Variants in PTPRO observed in about 807,000 individuals in gnomAD.
PTPRO encodes receptor-type tyrosine-protein phosphatase O.
In PTPRO, 62 loss-of-function variants were observed where a neutral mutation model predicts 145.2. That is an observed-to-expected ratio of 0.43 (90% CI 0.35 to 0.53). The LOEUF (loss-of-function observed/expected upper bound fraction) is 0.53. Ranked by LOEUF, PTPRO falls within the 20% of genes least tolerant of loss-of-function variation. The pLI is 0.01. For synonymous variants in PTPRO, 565 were observed against 514.7 expected, an observed-to-expected ratio of 1.10 and a Z score of -1.32; for missense variants, 1,345 against 1,482.7, an observed-to-expected ratio of 0.91 and a Z score of 1.53.
At chr12:15,374,396 GA>G (rs1354013746) in intron 1 of PTPRO, among the ~76,000 whole-genome samples, 4 of 146,420 alleles carry the variant, frequency 2.7e-5, no homozygotes, top group Non-Finnish European at 5.9e-5. Context: ...ACAATTTGAG[GA>G]GTGTTTTATT....
intron 1 of PTPRO, among the ~76,000 whole-genome samples, chr12:15,418,168 G>T (rs1940034994): frequency 6.6e-6 from 1 of 151,758 alleles, no homozygotes; most frequent in African/African-American, 2.4e-5. Flanking sequence ...TTACCTCCTT[G>T]TGGACAAGAA....
chr12:15,558,516 T>C (rs1324949920), intron 16 of PTPRO, among the ~76,000 whole-genome samples: 1 of 152,228 alleles, frequency 6.6e-6, no homozygotes, highest in Non-Finnish European at 1.5e-5. Context: ...TCCTATCCAG[T>C]TCAATCAATG....
chr12:15,351,102 A>G (rs1937789385), intron 1 of PTPRO, among the ~76,000 whole-genome samples: 1 of 152,172 alleles, frequency 6.6e-6, no homozygotes, highest in Admixed American at 6.5e-5. Flanking sequence ...AGACCATACA[A>G]GTTTTTGGAT....
chr12:15,549,160 T>G lies in PTPRO; in HGVS notation c.2371T>G (p.Cys791Gly), dbSNP rs1450331875. The change falls in exon 14 of 27, where the codon TGT (cysteine) becomes GGT (glycine). Residue 791 changes from cysteine (C) to glycine (G), a missense_variant. This residue lies in a region of PTPRO where 1,130 missense variants were observed against 1,214.7 expected (regional missense o/e 0.93). Transcript: ENST00000281171. ...CCTTCTTCCTGCCACTGCCTACAAT[T>G]GTAGTGTCACCAGCTTTAGCCATGA... ...SSLLPATAYN[C>G]SVTSFSHDSP... The G allele has an allele frequency of 6.2e-7, 1 of 1,613,410 alleles. No homozygotes were observed. The highest frequency in any genetic ancestry group is 8.5e-7 in the Non-Finnish European group (1 of 1,179,604).
rs568144362 is a variant in PTPRO at position 15,442,962 on chromosome 12, GA to G, written c.76-41004del. On this transcript the variant is annotated intron_variant, in intron 1 of 26. Transcript: ENST00000281171. ...ACCAACATCATTTTTCACAGAGCTAGAAAAAAAACTATTCTAAAATTTATAC... is the reference window on the plus strand; with the variant it reads ...ACCAACATCATTTTTCACAGAGCTAGAAAAAAACTATTCTAAAATTTATAC... 1.7e-3 allele frequency among the ~76,000 whole-genome samples: 261 copies of G among 151,680 alleles called. 1 individual carries two copies. The highest frequency in any genetic ancestry group is 6.0e-3 in the African/African-American group (249 of 41,354).
chr12:15,491,534 A>C (rs1444545654), intron 2 of PTPRO, among the ~76,000 whole-genome samples: 1 of 152,204 alleles, frequency 6.6e-6, no homozygotes, highest in Non-Finnish European at 1.5e-5. Context: ...AATATTGTTC[A>C]ATTTGAACAT....
intron 1 of PTPRO, among the ~76,000 whole-genome samples, chr12:15,426,559 A>G (rs1410574796): frequency 6.6e-6 from 1 of 152,010 alleles, no homozygotes; most frequent in African/African-American, 2.4e-5. Flanking sequence ...TAGTTATTCC[A>G]TTCTCACATT....
intron 1 of PTPRO, among the ~76,000 whole-genome samples, chr12:15,423,714 T>G (rs768341307): frequency 2.6e-5 from 4 of 152,316 alleles, no homozygotes; most frequent in Non-Finnish European, 5.9e-5. Context: ...GTTTTAGACT[T>G]CCTTCTTTTC....
At chr12:15,332,227 A>C (rs1866634540) in intron 1 of PTPRO, among the ~76,000 whole-genome samples, 1 of 152,042 alleles carries the variant, frequency 6.6e-6, no homozygotes, top group Non-Finnish European at 1.5e-5. Flanking sequence ...TGCTCTAAGA[A>C]ACAATATTTA....
At chr12:15,494,120 T>A (rs1323870401) in intron 2 of PTPRO, among the ~76,000 whole-genome samples, 1 of 152,172 alleles carries the variant, frequency 6.6e-6, no homozygotes, top group Non-Finnish European at 1.5e-5. Flanking sequence ...AGAGTAATAA[T>A]TTACTTCTGG....
chr12:15,495,410 A>G (rs1942079607), intron 2 of PTPRO, among the ~76,000 whole-genome samples: 1 of 150,092 alleles, frequency 6.7e-6, no homozygotes, highest in Non-Finnish European at 1.5e-5. Context: ...ATAGTTATTT[A>G]TTGAATGAAC....
At chr12:15,336,488 C>T (rs137968628) in intron 1 of PTPRO, among the ~76,000 whole-genome samples, 161 of 152,238 alleles carry the variant, frequency 1.1e-3, no homozygotes, top group African/African-American at 3.1e-3. Context: ...TATGTATGTG[C>T]CCACCATTAG....
At chr12:15,593,329 T>C (rs1944592089) in intron 25 of PTPRO, among the ~76,000 whole-genome samples, 1 of 152,218 alleles carries the variant, frequency 6.6e-6, no homozygotes, top group Non-Finnish European at 1.5e-5. Flanking sequence ...TTTGACCGGA[T>C]CTCATTTAAA....
chr12:15,444,767 C>T (rs1193390087), intron 1 of PTPRO, among the ~76,000 whole-genome samples: 1 of 152,042 alleles, frequency 6.6e-6, no homozygotes, highest in African/African-American at 2.4e-5. Context: ...TCTAATAGTG[C>T]CTTGATCTTT....
intron 1 of PTPRO, among the ~76,000 whole-genome samples, chr12:15,365,395 G>A (rs182102986): frequency 3.1e-4 from 47 of 151,876 alleles, no homozygotes; most frequent in African/African-American, 1.1e-3. Flanking sequence ...GTCCTTTGGG[G>A]GAATGGCTAT....
At chr12:15,485,998 T>C (rs1941878411) in intron 2 of PTPRO, among the ~76,000 whole-genome samples, 1 of 152,154 alleles carries the variant, frequency 6.6e-6, no homozygotes, top group South Asian at 2.1e-4. Flanking sequence ...ATATGGTCTT[T>C]CTTGCTGTGT....
At chr12:15,455,332 GA>G (rs1418975302) in intron 1 of PTPRO, among the ~76,000 whole-genome samples, 1 of 150,456 alleles carries the variant, frequency 6.6e-6, no homozygotes, top group East Asian at 2.0e-4. Context: ...CACAATACCT[GA>G]AATCTCTGCC....
chr12:15,475,355 C>T (rs1225623245), intron 1 of PTPRO, among the ~76,000 whole-genome samples: 4 of 152,200 alleles, frequency 2.6e-5, no homozygotes, highest in Non-Finnish European at 4.4e-5. Flanking sequence ...GATTTGTCTA[C>T]ATTTTGCTTA....
chr12:15,595,515 CAG>C, intron 26 of PTPRO: 1 of 175,970 alleles, frequency 5.7e-6, no homozygotes, highest in Admixed American at 5.5e-5. Flanking sequence ...CTCAGGATAG[CAG>C]AGTCTGAAAA....
Sources: allele counts gnomAD v4.1 joint callset (sites outside exome capture counted in the v4.1 genomes callset), GRCh38; gene constraint gnomAD v4.1.1; regional missense constraint gnomAD v4.1.1; transcripts MANE v1.5; gene names NCBI Gene and HGNC (gene_info 2026-07-23, HGNC 2026-07-21).